KANK1: variants seen among roughly 807,000 people sequenced by gnomAD.
The protein encoded by KANK1 is KN motif and ankyrin repeat domains 1, also known as KN motif and ankyrin repeat domain-containing protein 1.
In KANK1, 109 loss-of-function variants were observed where a neutral mutation model predicts 106.2. That is an observed-to-expected ratio of 1.03 (90% CI 0.88 to 1.20). The LOEUF is 1.20. KANK1 is among the 50% of genes most tolerant of loss of function. The probability of loss-of-function intolerance (pLI) is 0.00; values close to 1 mark genes in which losing one functional copy is unlikely to be tolerated. For synonymous variants in KANK1, 873 were observed against 652.2 expected, an observed-to-expected ratio of 1.34 and a Z score of -5.16; for missense variants, 2,399 against 1,710.7, an observed-to-expected ratio of 1.40 and a Z score of -7.10.
At chr9:498,262 G>C (rs923285649) in intron 3 of KANK1, among the ~76,000 whole-genome samples, 1 of 152,178 alleles carries the variant, frequency 6.6e-6, no homozygotes, top group Non-Finnish European at 1.5e-5. Context: ...TGCACCACAC[G>C]AAGGTCTACT....
chr9:624,480 A>G (rs887315101), intron 1 of KANK1, among the ~76,000 whole-genome samples: 2 of 152,154 alleles, frequency 1.3e-5, no homozygotes, highest in Non-Finnish European at 1.5e-5. Context: ...TAGGAAAATC[A>G]GAAGCATCCT....
At chr9:622,466 T>G (rs1348892066) in intron 1 of KANK1, among the ~76,000 whole-genome samples, 1 of 152,186 alleles carries the variant, frequency 6.6e-6, no homozygotes, top group African/African-American at 2.4e-5. Context: ...AGAAGCATCC[T>G]GACAAGGGTG....
chr9:612,215 A>G (rs1830731578), intron 1 of KANK1, among the ~76,000 whole-genome samples: 2 of 152,212 alleles, frequency 1.3e-5, no homozygotes, highest in Admixed American at 6.5e-5. Context: ...GAGAAAATAC[A>G]CAAAGCCAGG....
At chr9:675,349 A>G (rs1816178701) in intron 1 of KANK1, among the ~76,000 whole-genome samples, 2 of 152,188 alleles carry the variant, frequency 1.3e-5, no homozygotes, top group Non-Finnish European at 2.9e-5. Context: ...TTCTCAACTT[A>G]GAATTTATTT....
At chr9:656,147 G>C (rs543488584) in intron 1 of KANK1, among the ~76,000 whole-genome samples, 41 of 152,322 alleles carry the variant, frequency 2.7e-4, no homozygotes, top group Middle Eastern at 3.4e-3. Flanking sequence ...TCTCTGGCTT[G>C]AGCCCAACCT....
chr9:727,036 C>T (rs183668250), intron 3 of KANK1, among the ~76,000 whole-genome samples: 1 of 152,316 alleles, frequency 6.6e-6, no homozygotes, highest in Non-Finnish European at 1.5e-5. Flanking sequence ...ATTTTTAATA[C>T]ACATCATGCT....
chr9:574,801 G>A (rs577652730), intron 1 of KANK1, among the ~76,000 whole-genome samples: 3 of 148,700 alleles, frequency 2.0e-5, no homozygotes, highest in East Asian at 3.9e-4. Flanking sequence ...GTTGCAGTGA[G>A]CCGAGATTGC....
Position 732,554 on chromosome 9 carries a change from C to T in KANK1, c.3182C>T (p.Ala1061Val), listed in dbSNP as rs372139160. The change falls in exon 6 of 12, where the codon GCC becomes GTC. Residue 1061 changes from alanine to valine, a missense_variant. By Grantham distance (64) the Ala-to-Val change is moderately conservative (BLOSUM62 0). Transcript: ENST00000382297. ...HAVNIEGLKSARVEDEMQVQE... is the reference protein window; with the variant it reads ...HAVNIEGLKSVRVEDEMQVQE... Reference sequence around the variant, plus strand: ...GTTAATATTGAAGGTTTGAAGTCTGCCAGGGTGGAAGATGAAATGCAGGTT... The same window carrying T: ...GTTAATATTGAAGGTTTGAAGTCTGTCAGGGTGGAAGATGAAATGCAGGTT... 1.2e-6 allele frequency: 2 copies of T among 1,614,054 alleles called. No homozygotes were observed. Among genetic ancestry groups the T allele is most frequent in the Non-Finnish European group, 8.5e-7 (1 of 1,180,000 alleles).
At chr9:520,337 T>G (rs7046561) in intron 1 of KANK1, among the ~76,000 whole-genome samples, 76,219 of 151,230 alleles carry the variant, frequency 0.5, 20,922 homozygotes, top group South Asian at 0.64. Flanking sequence ...AGACCCTGTC[T>G]CAAAAAAATA....
At chr9:568,361 A>C (rs1194954335) in intron 1 of KANK1, among the ~76,000 whole-genome samples, 3 of 152,208 alleles carry the variant, frequency 2.0e-5, no homozygotes, top group Non-Finnish European at 1.5e-5. Context: ...TGTTTAAGAT[A>C]TGTATCATAA....
At chr9:509,399 C>G (rs1474062046) in intron 1 of KANK1, among the ~76,000 whole-genome samples, 1 of 152,284 alleles carries the variant, frequency 6.6e-6, no homozygotes, top group Non-Finnish European at 1.5e-5. Context: ...CCAATATGAC[C>G]TATATTTACC....
rs768945042 is a variant in KANK1 at position 742,424 on chromosome 9, G to T, written c.3897+19G>T. On this transcript the variant is annotated intron_variant, in intron 10 of 11. Coordinates refer to ENST00000382297, the MANE Select transcript of KANK1 (RefSeq NM_015158.5). ...GGACAACGTAAGCTGTCTCCATTGG[G>T]CCTCCTGGCCAGGGGTCTGGGGGAC... 19 of 1,596,060 alleles carry T rather than the reference G, an allele frequency of 1.2e-5. No individual in the cohort carries two copies. The highest frequency in any genetic ancestry group is 1.5e-5 in the Non-Finnish European group (17 of 1,168,380).
chr9:708,222 C>A (rs1053255598), intron 2 of KANK1, among the ~76,000 whole-genome samples: 7 of 131,928 alleles, frequency 5.3e-5, no homozygotes, highest in Admixed American at 7.7e-5. Context: ...TTCAGACAGT[C>A]CTGGAGACAG....
chr9:693,018 T>C (rs1820349878), intron 2 of KANK1, among the ~76,000 whole-genome samples: 1 of 152,046 alleles, frequency 6.6e-6, no homozygotes, highest in South Asian at 2.1e-4. Context: ...GAACTTTTTT[T>C]TTTTTTAGGT....
At chr9:502,414 T>G (rs1245343909), upstream of KANK1, among the ~76,000 whole-genome samples, 1 of 152,216 alleles carries the variant, frequency 6.6e-6, no homozygotes, top group Non-Finnish European at 1.5e-5. Context: ...TCTGCCATAC[T>G]TTTGATTGAT....
At chr9:502,795 G>A (rs1192545211), upstream of KANK1, among the ~76,000 whole-genome samples, 2 of 152,012 alleles carry the variant, frequency 1.3e-5, no homozygotes, top group African/African-American at 4.8e-5. Flanking sequence ...CAAAGTGCTG[G>A]GATTATAGGT....
At chr9:684,100 C>T in intron 2 of KANK1, 1 of 917,420 alleles carries the variant, frequency 1.1e-6, no homozygotes, top group Non-Finnish European at 1.3e-6. Flanking sequence ...GCCCCTGGCT[C>T]ATCAGAGCTT....
chr9:549,130 G>T (rs767638325), intron 1 of KANK1: 20 of 150,868 alleles, frequency 1.3e-4, no homozygotes, highest in Non-Finnish European at 2.7e-4. Flanking sequence ...AGAAACCTGT[G>T]TGAATTTTCA....
chr9:530,066 G>A (rs149928376), intron 1 of KANK1, among the ~76,000 whole-genome samples: 294 of 152,248 alleles, frequency 1.9e-3, no homozygotes, highest in African/African-American at 6.5e-3. Flanking sequence ...AGAGCTGTTT[G>A]TATTTGTGTT....
Sources: gnomAD v4.1 joint callset for allele counts (sites outside exome capture counted in the v4.1 genomes callset) on GRCh38, gnomAD v4.1.1 for gene constraint, MANE v1.5 for transcripts, NCBI Gene and HGNC (gene_info 2026-07-23, HGNC 2026-07-21) for gene names.